Variants in FLT4 observed in about 807,000 individuals in gnomAD.
FLT4 encodes the protein fms related receptor tyrosine kinase 4, also known as vascular endothelial growth factor receptor 3.
FLT4 carries 30 observed loss-of-function variants against 163.2 expected under a neutral mutation model. The ratio of observed to expected loss-of-function variants is 0.18; its 90% CI spans 0.14 to 0.25. The LOEUF is 0.25. Ranked by LOEUF, FLT4 falls within the 10% of genes least tolerant of loss-of-function variation. FLT4 has a pLI of 1.00. For missense variants in FLT4, 1,510 were observed against 1,863.8 expected (o/e 0.81, Z 3.50); for synonymous variants, 884 against 789.5 (o/e 1.12, Z -2.01).
At chr5:180,619,442 G>C (rs766160302) in intron 18 of FLT4, 76 bp from the exon 19 acceptor site, 26 of 1,204,408 alleles carry the variant, frequency 2.2e-5, no homozygotes, top group East Asian at 2.3e-5. Flanking sequence ...GCTTTTGGGA[G>C]GGGGAGGGTT....
rs551084116 is a variant in FLT4, at chr5:180,616,978, C to T, written c.3018G>A (p.Leu1006=). 97 of 1,613,184 alleles carry T rather than the reference C, an allele frequency of 6.0e-5. No homozygotes were observed. The Middle Eastern group carries it at 8.3e-4, about 14-fold the overall frequency. Residue 1006 remains leucine, a synonymous_variant, in exon 22 of 30, where the codon CTG becomes CTA. Coordinates refer to ENST00000261937, the MANE Select transcript of FLT4 (RefSeq NM_182925.5). The part of the protein sequence containing the change: ...SPDQEAEDLW[L]SPLTMEDLVC... The stretch of plus-strand genomic sequence containing the variant: ...CAAGATCTTCCATGGTCAGCGGGCT[C>T]AGCCACAGGTCCTCAGCTACACAGT...
At position 180,630,516 on chromosome 5, in the gene FLT4, C is replaced by T. The variant is rs547176274; in HGVS notation, c.400+39G>A. ...GGGGGCGGTGTGGGCCCCAGCTGCC[C>T]GGGACCCTGCTCCAGCCTGGCCCGC... On this transcript the variant is annotated intron_variant, in intron 3 of 29. Transcript: ENST00000261937. This position sits in a 1 kb window ranked among gnomAD's most constrained non-coding sequence, Gnocchi z 6.3. 89 of 1,610,872 alleles carry T rather than the reference C, an allele frequency of 5.5e-5. No individual in the cohort carries two copies. The East Asian group carries it at 9.4e-4, about 17-fold the overall frequency.
intron 1 of FLT4, among the ~76,000 whole-genome samples, chr5:180,634,866 AT>A: frequency 1.9e-5 from 1 of 53,056 alleles, no homozygotes; most frequent in Admixed American, 2.1e-4. Context: ...GTATGGGTGG[AT>A]GGGTGGGTGG....
At chr5:180,604,654 A>T (rs1474261114) in intron 29 of FLT4, among the ~76,000 whole-genome samples, 1 of 152,142 alleles carries the variant, frequency 6.6e-6, no homozygotes, top group Non-Finnish European at 1.5e-5. Context: ...CCTATCATGC[A>T]CCATCCTCAA....
In FLT4 at chr5:180,620,780, C is replaced by T. The variant is rs1561716686; in HGVS notation, c.2300-65G>A. 1.3e-6 allele frequency: 2 copies of T among 1,597,350 alleles called. No homozygotes were observed. The highest frequency in any genetic ancestry group is 2.2e-5 in the East Asian group (1 of 44,678). Reference sequence around the variant, plus strand: ...TGTAAGAGCGTGCACCTGCAGGCAGCACCCCTTCTGGTGGCCACGACTTGC... The same window carrying T: ...TGTAAGAGCGTGCACCTGCAGGCAGTACCCCTTCTGGTGGCCACGACTTGC... On this transcript the variant is annotated intron_variant, in intron 15 of 29. Coordinates refer to ENST00000261937, the MANE Select transcript of FLT4 (RefSeq NM_182925.5). The surrounding 1 kb of genome is among the most constrained non-coding windows in gnomAD (Gnocchi z 4.4).
At chr5:180,608,085 C>G (rs757097290) in intron 29 of FLT4, 4 of 700,452 alleles carry the variant, frequency 5.7e-6, no homozygotes, top group Non-Finnish European at 1.0e-5. Context: ...ATCCGGAGGC[C>G]TAACCCCTCC....
intron 29 of FLT4, among the ~76,000 whole-genome samples, chr5:180,607,670 T>C (rs1436739579): frequency 3.3e-5 from 5 of 150,616 alleles, no homozygotes; most frequent in Non-Finnish European, 5.9e-5. Context: ...TACATATATA[T>C]ATATAAAATA....
At chr5:180,637,980 TC>T (rs1274739610) in intron 1 of FLT4, among the ~76,000 whole-genome samples, 1 of 152,200 alleles carries the variant, frequency 6.6e-6, no homozygotes, top group Non-Finnish European at 1.5e-5. Flanking sequence ...TGCAGCTCCT[TC>T]ACTTCACAGA....
At chr5:180,615,549 G>C (rs1326655925) in intron 23 of FLT4, among the ~76,000 whole-genome samples, 13 of 71,704 alleles carry the variant, frequency 1.8e-4, no homozygotes, top group Non-Finnish European at 3.0e-4. Context: ...CACTGGGCCC[G>C]CCGGTCACCT....
At chr5:180,609,746 A>G (rs1333373567) in intron 28 of FLT4, 159 bp downstream of exon 28, 3 of 829,574 alleles carry the variant, frequency 3.6e-6, no homozygotes, top group Non-Finnish European at 6.0e-6. Context: ...GTGGCATCGC[A>G]GGAGGGCCCA....
In FLT4 at chr5:180,630,261, C is replaced by A. The variant is rs761719247; in HGVS notation, c.477G>T (p.Leu159=). ...NRKDAMWVPC[L]VSIPGLNVTL... Reference sequence around the variant, plus strand: ...TGACATTGAGGCCGGGGATGGACACCAGACAGGGCACCCACATGGCGTCCT... The same window carrying A: ...TGACATTGAGGCCGGGGATGGACACAAGACAGGGCACCCACATGGCGTCCT... The change falls in exon 4 of 30, where the codon CTG becomes CTT. Residue 159 remains leucine, a synonymous_variant. Coordinates refer to ENST00000261937, the MANE Select transcript of FLT4 (RefSeq NM_182925.5). This position sits in a 1 kb window ranked among gnomAD's most constrained non-coding sequence, Gnocchi z 6.3. 1 of 1,612,686 alleles carries A rather than the reference C, an allele frequency of 6.2e-7. No homozygotes were observed. The highest frequency in any genetic ancestry group is 1.1e-5 in the South Asian group (1 of 91,084).
At position 180,624,567 on chromosome 5, in the gene FLT4, C is replaced by G. The variant is rs529920510; in HGVS notation, c.1422-506G>C. Among the ~76,000 whole-genome samples, 6 of 152,234 alleles carry G rather than the reference C, an allele frequency of 3.9e-5. No individual in the cohort carries two copies. In the South Asian group the frequency reaches 1.0e-3, roughly 26 times the overall value. The stretch of plus-strand genomic sequence containing the variant: ...TGTCTCCCACCCTTCAGGCTCAGGA[C>G]CCGGCAACCCATCCTACACAGGCTG... On this transcript the variant is annotated intron_variant, in intron 10 of 29. Transcript: ENST00000261937.
intron 11 of FLT4, 145 bp from the exon 12 acceptor site, chr5:180,622,984 C>T (rs925152433): frequency 9.9e-6 from 7 of 704,664 alleles, no homozygotes; most frequent in African/African-American, 7.0e-5. Flanking sequence ...CCAAAACTCA[C>T]AGGACCAGGG....
At chr5:180,608,079 G>A (rs544624462) in intron 29 of FLT4, 14 of 700,350 alleles carry the variant, frequency 2.0e-5, no homozygotes, top group East Asian at 8.0e-5. Flanking sequence ...GCAGTCATCC[G>A]GAGGCCTAAC....
At position 180,620,488 on chromosome 5, in the gene FLT4, G is replaced by A. The variant is rs983091167; in HGVS notation, c.2406+121C>T. ...GGAGCCCAGCGTGAAGGGCAGGGAGGCTTCCCAGGAAACAAGGCTGCCAGG... is the reference window on the plus strand; with the variant it reads ...GGAGCCCAGCGTGAAGGGCAGGGAGACTTCCCAGGAAACAAGGCTGCCAGG... On this transcript the variant is annotated intron_variant, in intron 16 of 29. Coordinates refer to ENST00000261937, the MANE Select transcript of FLT4 (RefSeq NM_182925.5). This position sits in a 1 kb window ranked among gnomAD's most constrained non-coding sequence, Gnocchi z 4.4. 1.7e-6 allele frequency: 2 copies of A among 1,183,402 alleles called. No individual in the cohort carries two copies. The highest frequency in any genetic ancestry group is 2.5e-6 in the Non-Finnish European group (2 of 803,042). 73.3% of individuals were successfully genotyped at this position (1,183,402 alleles called of 1,614,324 possible).
chr5:180,642,327 G>A (rs974803511), intron 1 of FLT4, among the ~76,000 whole-genome samples: 10 of 152,060 alleles, frequency 6.6e-5, no homozygotes, highest in African/African-American at 1.4e-4. Flanking sequence ...CTGTGTTGTC[G>A]TCAGAGCATG....
At chr5:180,632,693 T>C (rs1216981244) in intron 1 of FLT4, among the ~76,000 whole-genome samples, 1 of 152,160 alleles carries the variant, frequency 6.6e-6, no homozygotes, top group East Asian at 1.9e-4. Flanking sequence ...TGAGTCTGTG[T>C]GTGCCTATGT....
chr5:180,606,900 A>AC lies in FLT4; in HGVS notation c.3893+2067_3893+2068insG, dbSNP rs201801684. Among the ~76,000 whole-genome samples, 318 of 40,448 alleles carry AC rather than the reference A, an allele frequency of 7.9e-3. 1 individual carries two copies. Among genetic ancestry groups the AC allele is most frequent in the South Asian group, 0.02 (11 of 554 alleles). 26.5% of individuals were successfully genotyped at this position (40,448 alleles called of 152,430 possible). On this transcript the variant is annotated intron_variant, in intron 29 of 29. Coordinates refer to ENST00000261937, the MANE Select transcript of FLT4 (RefSeq NM_182925.5). ...GCGAAACCCCGTCTCTACTAAAAAA[A>AC]AAAAAAAAAAAAAAACAAACAAACA...
At chr5:180,615,258 T>C (rs1762564374) in intron 23 of FLT4, among the ~76,000 whole-genome samples, 2 of 99,144 alleles carry the variant, frequency 2.0e-5, no homozygotes, top group East Asian at 3.1e-4. Context: ...AACTCCCATC[T>C]CCACTTCCGA....
Sources: gnomAD v4.1 joint callset for allele counts (sites outside exome capture counted in the v4.1 genomes callset) on GRCh38, gnomAD v4.1.1 for gene constraint, Gnocchi (gnomAD v3.1) non-coding constraint, MANE v1.5 for transcripts, NCBI Gene and HGNC (gene_info 2026-07-23, HGNC 2026-07-21) for gene names.